COP1: variants seen among roughly 807,000 people sequenced by gnomAD.
COP1 encodes E3 ubiquitin-protein ligase COP1.
COP1 carries 24 observed loss-of-function variants against 101.3 expected under a neutral mutation model. That is an observed-to-expected ratio of 0.24 (90% CI 0.17 to 0.33). The LOEUF (loss-of-function observed/expected upper bound fraction) is 0.33. Among genes scored for constraint, COP1 ranks in the 10% least tolerant of loss-of-function variants. The pLI is 1.00. For missense variants in COP1, 663 were observed against 906.2 expected, an observed-to-expected ratio of 0.73 and a Z score of 3.45; for synonymous variants, 347 against 341.9, an observed-to-expected ratio of 1.01 and a Z score of -0.17.
intron 19 of COP1, among the ~76,000 whole-genome samples, chr1:175,946,193 G>A (rs1649145950): frequency 6.6e-6 from 1 of 152,070 alleles, no homozygotes; most frequent in Non-Finnish European, 1.5e-5. Context: ...AACAAACACT[G>A]ATCAGTTAAA....
At chr1:176,049,378 A>G (rs1034095890) in intron 11 of COP1, among the ~76,000 whole-genome samples, 2 of 151,900 alleles carry the variant, frequency 1.3e-5, no homozygotes, top group Admixed American at 6.6e-5. Context: ...ATTTTCTTAC[A>G]TTTTGGTTAT....
intron 5 of COP1, among the ~76,000 whole-genome samples, chr1:176,155,662 G>C (rs681027): frequency 1 from 151,998 of 152,050 alleles, 75,973 homozygotes; most frequent in Middle Eastern, 1. Context: ...TCCTCTTGTT[G>C]CATGAAACCC....
chr1:176,147,214 C>T (rs1691701528), intron 6 of COP1, among the ~76,000 whole-genome samples: 1 of 152,200 alleles, frequency 6.6e-6, no homozygotes, highest in Non-Finnish European at 1.5e-5. Context: ...ATTAAACACG[C>T]AAATAGACTT....
rs1391477405 is a variant in COP1, at chr1:176,093,681, T to TA, written c.1027-7792dup. On this transcript the variant is annotated intron_variant, in intron 9 of 19. Transcript: ENST00000367669. ...GGTGAAACCCCGTCTCTACTAAAAATAAAAAAAAATTAGCCAAATGTGGTG... is the reference window on the plus strand; with the variant it reads ...GGTGAAACCCCGTCTCTACTAAAAATAAAAAAAAAATTAGCCAAATGTGGTG... Among the ~76,000 whole-genome samples, 136 of 151,258 alleles carry TA rather than the reference T, an allele frequency of 9.0e-4. 2 individuals carry two copies. The highest frequency in any genetic ancestry group is 2.7e-3 in the African/African-American group (113 of 41,230).
At chr1:176,166,002 G>C (rs901506535) in intron 3 of COP1, among the ~76,000 whole-genome samples, 1 of 152,182 alleles carries the variant, frequency 6.6e-6, no homozygotes, top group East Asian at 1.9e-4. Flanking sequence ...TGAATATGCC[G>C]CATTGAATTT....
chr1:175,990,198 T>C (rs1658069429), intron 15 of COP1, among the ~76,000 whole-genome samples: 1 of 152,120 alleles, frequency 6.6e-6, no homozygotes, highest in African/African-American at 2.4e-5. Context: ...TTATTTCTTC[T>C]TTGACTAATG....
chr1:175,987,375 A>G (rs889250156), intron 17 of COP1, among the ~76,000 whole-genome samples: 1 of 152,224 alleles, frequency 6.6e-6, no homozygotes, highest in Non-Finnish European at 1.5e-5. Context: ...AATCATTTAT[A>G]GAGGTTGGTA....
chr1:176,078,882 A>G (rs1678578441), intron 11 of COP1, among the ~76,000 whole-genome samples: 1 of 152,230 alleles, frequency 6.6e-6, no homozygotes, highest in Admixed American at 6.5e-5. Context: ...CAACAAGCAT[A>G]TGAAAAAACA....
chr1:176,122,641 T>G (rs934086715), intron 8 of COP1, among the ~76,000 whole-genome samples: 7 of 152,204 alleles, frequency 4.6e-5, no homozygotes, highest in Admixed American at 2.0e-4. Flanking sequence ...TGTCTTCTTT[T>G]AATTAGTACA....
intron 18 of COP1, among the ~76,000 whole-genome samples, chr1:175,956,926 G>A (rs967506304): frequency 2.0e-5 from 3 of 152,100 alleles, no homozygotes; most frequent in South Asian, 2.1e-4. Flanking sequence ...AGACAGTGAT[G>A]TTGATGAGCT....
intron 15 of COP1, among the ~76,000 whole-genome samples, chr1:176,002,637 G>A (rs1380251324): frequency 6.7e-6 from 1 of 148,536 alleles, no homozygotes; most frequent in African/African-American, 2.5e-5. Flanking sequence ...ATAGTTTACT[G>A]AGAATGATGA....
At chr1:176,095,494 G>T (rs1035036009) in intron 9 of COP1, among the ~76,000 whole-genome samples, 2 of 152,134 alleles carry the variant, frequency 1.3e-5, no homozygotes, top group African/African-American at 4.8e-5. Context: ...AGCCTGCGCA[G>T]CATGGCAAAA....
intron 15 of COP1, among the ~76,000 whole-genome samples, chr1:176,016,527 C>T: frequency 6.6e-6 from 1 of 152,084 alleles, no homozygotes; most frequent in East Asian, 1.9e-4. Context: ...GAATGAGAAG[C>T]TGGAGTTAAG....
chr1:176,045,816 T>TA (rs1264017674), intron 12 of COP1, among the ~76,000 whole-genome samples: 2 of 151,986 alleles, frequency 1.3e-5, no homozygotes, highest in African/African-American at 4.8e-5. Flanking sequence ...TATGTTGAGA[T>TA]ATGTGCAGGC....
At chr1:176,193,027 A>T (rs76454857) in intron 1 of COP1, among the ~76,000 whole-genome samples, 4,922 of 152,298 alleles carry the variant, frequency 0.032, 114 homozygotes, top group Non-Finnish European at 0.047. Flanking sequence ...AAATGCATTC[A>T]AACAGTGAAA....
At chr1:176,075,178 C>A (rs1677759126) in intron 11 of COP1, among the ~76,000 whole-genome samples, 1 of 152,046 alleles carries the variant, frequency 6.6e-6, no homozygotes, top group African/African-American at 2.4e-5. Flanking sequence ...ATAAAATGCA[C>A]CCCATAATCT....
At chr1:176,191,836 T>C (rs926093969) in intron 1 of COP1, among the ~76,000 whole-genome samples, 13 of 152,190 alleles carry the variant, frequency 8.5e-5, no homozygotes, top group Admixed American at 7.9e-4. Context: ...CATCAAGACC[T>C]GTGTTTAACA....
At chr1:176,105,887 C>T (rs1684216463) in intron 9 of COP1, among the ~76,000 whole-genome samples, 2 of 152,138 alleles carry the variant, frequency 1.3e-5, no homozygotes, top group South Asian at 4.1e-4. Context: ...ACCACCTTTG[C>T]AAAATTATGA....
intron 3 of COP1, among the ~76,000 whole-genome samples, chr1:176,167,115 A>T (rs1695261689): frequency 6.6e-6 from 1 of 152,198 alleles, no homozygotes; most frequent in South Asian, 2.1e-4. Flanking sequence ...TGCAAGGTAT[A>T]TACACTGGAC....
Sources: gnomAD v4.1 joint callset for allele counts (sites outside exome capture counted in the v4.1 genomes callset) on GRCh38, gnomAD v4.1.1 for gene constraint, MANE v1.5 for transcripts, NCBI Gene and HGNC (gene_info 2026-07-23, HGNC 2026-07-21) for gene names.